Variants in ARHGDIB observed in about 807,000 individuals in gnomAD.
The protein encoded by ARHGDIB is rho GDP-dissociation inhibitor 2.
A neutral mutation model predicts 22.6 loss-of-function variants in ARHGDIB; 20 were observed. That is an observed-to-expected ratio of 0.88 (90% confidence interval 0.62 to 1.28). The LOEUF (loss-of-function observed/expected upper bound fraction) is 1.28. Among genes scored for constraint, ARHGDIB ranks in the 50% most tolerant of loss-of-function variants. The probability of loss-of-function intolerance (pLI) is 0.00; values close to 1 mark genes in which losing one functional copy is unlikely to be tolerated. For missense variants in ARHGDIB, 254 were observed against 245.4 expected, an observed-to-expected ratio of 1.04 and a Z score of -0.23; for synonymous variants, 114 against 96.1, an observed-to-expected ratio of 1.19 and a Z score of -1.09.
rs1242884019 is a variant in ARHGDIB, at chr12:14,942,298, G to C, written c.*224C>G. 8.8e-6 allele frequency: 5 copies of C among 567,354 alleles called. No individual in the cohort carries two copies. The East Asian group carries it at 1.2e-4, about 13-fold the overall frequency. The allele number at this position is 567,354 out of a possible 1,614,324, so 35.1% of individuals were successfully genotyped here. On this transcript the variant is annotated 3_prime_UTR_variant, in exon 6 of 6. Transcript: ENST00000228945. ...ACTGAGATGGAGACGTGGAAGATCT[G>C]GCCCTGATGGAGGATCAGAGGGAGC...
intron 4 of ARHGDIB, among the ~76,000 whole-genome samples, chr12:14,947,130 T>A (rs996165990): frequency 3.3e-5 from 5 of 152,180 alleles, no homozygotes; most frequent in Non-Finnish European, 7.3e-5. Context: ...TGAGGCTAAG[T>A]GGGAATGAGA....
At chr12:14,957,156 A>C (rs1864319392) in intron 1 of ARHGDIB, among the ~76,000 whole-genome samples, 1 of 152,220 alleles carries the variant, frequency 6.6e-6, no homozygotes, top group Admixed American at 6.5e-5. Context: ...CAGGCTCTGC[A>C]TTATGACAGG....
chr12:14,953,630 C>G (rs1235609644), intron 1 of ARHGDIB, among the ~76,000 whole-genome samples: 1 of 137,674 alleles, frequency 7.3e-6, no homozygotes, highest in Non-Finnish European at 1.6e-5. Flanking sequence ...GTAATTATCT[C>G]AAGGAAAAAA....
intron 1 of ARHGDIB, among the ~76,000 whole-genome samples, chr12:14,953,831 CTCTCTCTCTTTCTCTT>C (rs909925842): frequency 1.3e-5 from 2 of 151,774 alleles, no homozygotes; most frequent in Non-Finnish European, 2.9e-5. Flanking sequence ...CTCTCTCTCT[CTCTCTCTCTTTCTCTT>C]TCTCTCTCTT....
At chr12:14,946,103 G>C (rs1348918603) in intron 4 of ARHGDIB, among the ~76,000 whole-genome samples, 1 of 152,154 alleles carries the variant, frequency 6.6e-6, no homozygotes, top group Non-Finnish European at 1.5e-5. Flanking sequence ...AATACATTTG[G>C]GGTGGGTGAA....
At position 14,947,719 on chromosome 12, in the gene ARHGDIB, C is replaced by A. The variant is rs1042119593; in HGVS notation, c.342+154G>T. ...GCAAACGTGGGTCTCAACAGGTAGC[C>A]CTCAGGGCTGGGAAGAGGACATTCC... is the stretch of plus-strand genomic sequence containing the variant. On this transcript the variant is annotated intron_variant, in intron 4 of 5. Transcript: ENST00000228945. 2.4e-5 allele frequency: 15 copies of A among 637,180 alleles called. 1 individual carries two copies. In the South Asian group the frequency reaches 2.9e-4, roughly 12 times the overall value. 39.5% of individuals were successfully genotyped at this position (637,180 alleles called of 1,614,324 possible).
At chr12:14,960,913 C>T (rs555789296) in intron 1 of ARHGDIB, among the ~76,000 whole-genome samples, 3 of 152,274 alleles carry the variant, frequency 2.0e-5, no homozygotes, top group African/African-American at 4.8e-5. Flanking sequence ...CTCATGAGTA[C>T]ATAACAATGT....
chr12:14,953,843 C>G (rs879776121), intron 1 of ARHGDIB, among the ~76,000 whole-genome samples: 10 of 150,728 alleles, frequency 6.6e-5, no homozygotes, highest in Non-Finnish European at 1.2e-4. Context: ...CTCTCTCTTT[C>G]TCTTTCTCTC....
At chr12:14,955,891 TA>T (rs1219900501) in intron 1 of ARHGDIB, among the ~76,000 whole-genome samples, 9 of 152,244 alleles carry the variant, frequency 5.9e-5, no homozygotes, top group Admixed American at 5.9e-4. Context: ...ATATTGATAT[TA>T]TTAATACAAA....
At chr12:14,948,099 T>TGCGCGCACAC (rs367794422) in intron 3 of ARHGDIB, 150 bp from the exon 4 acceptor site, 2 of 309,828 alleles carry the variant, frequency 6.5e-6, no homozygotes, top group African/African-American at 4.9e-5. Flanking sequence ...GTTTAGTCCT[T>TGCGCGCACAC]GCACACACAC....
At chr12:14,957,610 T>C (rs1383554818) in intron 1 of ARHGDIB, among the ~76,000 whole-genome samples, 2 of 152,230 alleles carry the variant, frequency 1.3e-5, no homozygotes, top group African/African-American at 4.8e-5. Flanking sequence ...TATTGCTCCC[T>C]GTCTTCATTG....
At chr12:14,952,043 C>T (rs1380074677) in intron 1 of ARHGDIB, among the ~76,000 whole-genome samples, 2 of 152,132 alleles carry the variant, frequency 1.3e-5, no homozygotes, top group Non-Finnish European at 2.9e-5. Context: ...TTGAGGGTAA[C>T]TCTTTTCCCT....
chr12:14,942,816 A>G (rs985843743), intron 5 of ARHGDIB, 95 bp from the exon 6 acceptor site: 117 of 1,095,430 alleles, frequency 1.1e-4, no homozygotes, highest in Middle Eastern at 2.2e-4. Flanking sequence ...TACAGTGATT[A>G]AAGTCAAGAG....
chr12:14,951,520 C>T (rs1253333512), intron 1 of ARHGDIB, among the ~76,000 whole-genome samples: 2 of 152,038 alleles, frequency 1.3e-5, no homozygotes, highest in African/African-American at 4.8e-5. Context: ...CAGACAAAAT[C>T]GTAAGTACAA....
intron 1 of ARHGDIB, among the ~76,000 whole-genome samples, chr12:14,952,841 T>A (rs2120735298): frequency 6.6e-6 from 1 of 152,298 alleles, no homozygotes; most frequent in South Asian, 2.1e-4. Context: ...TTCTAACAAG[T>A]CGCCTGATTG....
intron 1 of ARHGDIB, among the ~76,000 whole-genome samples, chr12:14,959,098 G>A (rs1236142464): frequency 6.6e-6 from 1 of 152,160 alleles, no homozygotes; most frequent in Non-Finnish European, 1.5e-5. Flanking sequence ...ACTTCAGCTC[G>A]GGTGACAGAG....
At chr12:14,950,439 G>A (rs1010122106) in intron 2 of ARHGDIB, 93 bp downstream of exon 2, 19 of 1,148,056 alleles carry the variant, frequency 1.7e-5, no homozygotes, top group Admixed American at 2.4e-5. Flanking sequence ...GAAGCAGTTG[G>A]TCCTCTTCCC....
At chr12:14,952,162 G>GA (rs1288243580) in intron 1 of ARHGDIB, among the ~76,000 whole-genome samples, 2 of 151,232 alleles carry the variant, frequency 1.3e-5, no homozygotes, top group East Asian at 3.9e-4. Context: ...TCCCAGGAGT[G>GA]AAGATATCTC....
chr12:14,943,407 T>G (rs1243695867), intron 5 of ARHGDIB, among the ~76,000 whole-genome samples: 9 of 104,508 alleles, frequency 8.6e-5, no homozygotes, highest in Admixed American at 7.7e-4. Flanking sequence ...TGTTGTTGTT[T>G]TTTTTATGGA....
Sources: gnomAD v4.1 joint callset for allele counts (sites outside exome capture counted in the v4.1 genomes callset) on GRCh38, gnomAD v4.1.1 for gene constraint, MANE v1.5 for transcripts, NCBI Gene and HGNC (gene_info 2026-07-23, HGNC 2026-07-21) for gene names.